Variants in RAB10 observed in about 807,000 individuals in gnomAD.
RAB10 encodes RAB10, member RAS oncogene family, also known as ras-related protein Rab-10.
A neutral mutation model predicts 25.7 loss-of-function variants in RAB10; 5 were observed. That is an observed-to-expected ratio of 0.19 (90% CI 0.10 to 0.41). RAB10 has a LOEUF of 0.41. Among genes scored for constraint, RAB10 ranks in the 10% least tolerant of loss-of-function variants. RAB10 has a pLI of 1.00. For synonymous variants in RAB10, 89 were observed against 86.4 expected, an observed-to-expected ratio of 1.03 and a Z score of -0.16; for missense variants, 103 against 245.8, an observed-to-expected ratio of 0.42 and a Z score of 3.89.
intron 3 of RAB10, among the ~76,000 whole-genome samples, chr2:26,122,810 C>A (rs1163248588): frequency 1.3e-5 from 2 of 152,072 alleles, no homozygotes; most frequent in African/African-American, 4.8e-5. Context: ...GGAGAAGCAG[C>A]TTCTGCTGAC....
At chr2:26,122,354 C>G (rs1433183205) in intron 3 of RAB10, among the ~76,000 whole-genome samples, 1 of 152,004 alleles carries the variant, frequency 6.6e-6, no homozygotes, top group African/African-American at 2.4e-5. Flanking sequence ...GTAGGCTGGG[C>G]GCGGTGGCTC....
intron 5 of RAB10, 76 bp from the exon 6 acceptor site, chr2:26,134,862 A>G (rs1276845025): frequency 8.6e-7 from 1 of 1,167,978 alleles, no homozygotes; most frequent in African/African-American, 1.5e-5. Flanking sequence ...TTGACATAAG[A>G]ATATTCCTGT....
chr2:26,058,168 C>G (rs1170889847), intron 1 of RAB10, among the ~76,000 whole-genome samples: 2 of 152,210 alleles, frequency 1.3e-5, no homozygotes, highest in African/African-American at 4.8e-5. Flanking sequence ...CCCTGCTTCT[C>G]ATTATCTCCG....
chr2:26,078,642 A>G (rs766283518), intron 1 of RAB10, among the ~76,000 whole-genome samples: 26 of 152,168 alleles, frequency 1.7e-4, no homozygotes, highest in Admixed American at 3.9e-4. Flanking sequence ...GTATGAAGAA[A>G]TAATGGCCAG....
chr2:26,100,794 T>C (rs1667324254), intron 2 of RAB10, among the ~76,000 whole-genome samples: 1 of 152,218 alleles, frequency 6.6e-6, no homozygotes, highest in South Asian at 2.1e-4. Context: ...ACAATTTGTC[T>C]ATACCCAAAA....
chr2:26,097,046 G>A (rs982112973), intron 1 of RAB10, among the ~76,000 whole-genome samples: 3 of 152,008 alleles, frequency 2.0e-5, no homozygotes, highest in Non-Finnish European at 4.4e-5. Context: ...GCAAGACCCC[G>A]TCCTACAAAA....
rs61478213 is a variant in RAB10 at position 26,091,665 on chromosome 2, G to T, written c.128-6997G>T. On this transcript the variant is annotated intron_variant, in intron 1 of 5. Coordinates refer to ENST00000264710, the MANE Select transcript of RAB10 (RefSeq NM_016131.5). ...TCTTGGATTTGGAGTTCAGGGGAGA[G>T]TTGAGGTGAGAGATCATCAGTGTGT... 2.4e-3 allele frequency among the ~76,000 whole-genome samples: 369 copies of T among 152,180 alleles called. 4 individuals carry two copies. The highest frequency in any genetic ancestry group is 7.6e-3 in the African/African-American group (315 of 41,522).
At chr2:26,061,092 C>CTTTTTTTTTTTTTTTTTTTTTTTTTTT (rs5829993) in intron 1 of RAB10, among the ~76,000 whole-genome samples, 17 of 83,640 alleles carry the variant, frequency 2.0e-4, no homozygotes, top group East Asian at 8.8e-4. Flanking sequence ...TTATCTCTGT[C>CTTTTTTTTTTTTTTTTTTTTTTTTTTT]TTTTTTTTTT....
At chr2:26,047,454 C>A (rs1052866476) in intron 1 of RAB10, among the ~76,000 whole-genome samples, 1 of 148,544 alleles carries the variant, frequency 6.7e-6, no homozygotes, top group Non-Finnish European at 1.5e-5. Flanking sequence ...CTTGTTCTGT[C>A]GCCTAGGCTG....
chr2:26,073,439 A>G (rs1018154520), intron 1 of RAB10, among the ~76,000 whole-genome samples: 9 of 152,176 alleles, frequency 5.9e-5, no homozygotes, highest in African/African-American at 2.2e-4. Context: ...GCTTCCCACC[A>G]TTGTGTTGCC....
intron 1 of RAB10, among the ~76,000 whole-genome samples, chr2:26,038,599 C>T (rs917438256): frequency 1.3e-5 from 2 of 152,074 alleles, no homozygotes. Flanking sequence ...AGCTTGAACA[C>T]ATACATGTAT....
At chr2:26,079,556 CAT>C (rs201518875) in intron 1 of RAB10, among the ~76,000 whole-genome samples, 2,057 of 152,208 alleles carry the variant, frequency 0.014, 28 homozygotes, top group Non-Finnish European at 0.023. Context: ...GCTGGGAAGT[CAT>C]AGAAGAAATG....
At chr2:26,131,664 T>TC (rs1407194233) in intron 5 of RAB10, among the ~76,000 whole-genome samples, 1 of 152,100 alleles carries the variant, frequency 6.6e-6, no homozygotes, top group Non-Finnish European at 1.5e-5. Flanking sequence ...ATTCCTCATT[T>TC]CCCCCTTACT....
chr2:26,124,827 T>C (rs944210019), intron 3 of RAB10, among the ~76,000 whole-genome samples: 6 of 152,196 alleles, frequency 3.9e-5, no homozygotes, highest in South Asian at 4.1e-4. Flanking sequence ...TTGACTGTTA[T>C]AGGTACCTCA....
intron 1 of RAB10, among the ~76,000 whole-genome samples, chr2:26,079,318 CACACAA>C (rs61679113): frequency 0.079 from 7,225 of 91,872 alleles, 213 homozygotes; most frequent in East Asian, 0.14. Context: ...GAAACACACA[CACACAA>C]ACACACACAC....
intron 1 of RAB10, among the ~76,000 whole-genome samples, chr2:26,087,393 G>GCTGCTT (rs1667009784): frequency 1.3e-5 from 2 of 152,156 alleles, no homozygotes; most frequent in Non-Finnish European, 1.5e-5. Context: ...TGCTGCTGCT[G>GCTGCTT]CTGCTGTTGT....
chr2:26,058,291 A>G (rs1267040221), intron 1 of RAB10, among the ~76,000 whole-genome samples: 1 of 152,120 alleles, frequency 6.6e-6, no homozygotes, highest in Non-Finnish European at 1.5e-5. Context: ...ACAAGGGGGC[A>G]CCTATAATGA....
At chr2:26,064,605 A>C (rs987212694) in intron 1 of RAB10, among the ~76,000 whole-genome samples, 2 of 152,168 alleles carry the variant, frequency 1.3e-5, no homozygotes, top group Non-Finnish European at 2.9e-5. Context: ...TTGGCCTCCC[A>C]AAATGCTGGG....
intron 1 of RAB10, among the ~76,000 whole-genome samples, chr2:26,063,478 T>C (rs1310481225): frequency 6.6e-6 from 1 of 152,192 alleles, no homozygotes; most frequent in Non-Finnish European, 1.5e-5. Flanking sequence ...AAGCTACAGA[T>C]GTTTTGACAC....
Sources: allele counts gnomAD v4.1 joint callset (sites outside exome capture counted in the v4.1 genomes callset), GRCh38; gene constraint gnomAD v4.1.1; transcripts MANE v1.5; gene names NCBI Gene and HGNC (gene_info 2026-07-23, HGNC 2026-07-21).